INTS11: variants seen among roughly 807,000 people sequenced by gnomAD.
INTS11 encodes integrator complex subunit 11.
In INTS11, 77 loss-of-function variants were observed where a neutral mutation model predicts 78.6. That is an observed-to-expected ratio of 0.98 (90% CI 0.81 to 1.18). The LOEUF is 1.18. INTS11 is among the 50% of genes most tolerant of loss of function. INTS11 has a pLI of 0.00. For missense variants in INTS11, 875 were observed against 825.9 expected, an observed-to-expected ratio of 1.06 and a Z score of -0.73; for synonymous variants, 441 against 326.9, an observed-to-expected ratio of 1.35 and a Z score of -3.77.
intron 1 of INTS11, chr1:1,323,083 A>C: frequency 1.3e-6 from 2 of 1,493,192 alleles, no homozygotes; most frequent in Non-Finnish European, 1.8e-6. Context: ...GGGCCCATGC[A>C]AACAGCTGCA....
chr1:1,312,213 G>GGGGGCCCCCCCCCCCCCCCC lies in INTS11; in HGVS notation c.1607+12_1607+13insGGGGGGGGGGGGGGGGCCCC. On this transcript the variant is annotated intron_variant, in intron 15 of 16. Transcript: ENST00000435064. ...CCCAAGGGAGTGGGGGGGGGGCGGGGCCGGGCGCCCACCTCTTGAGGTGGC... is the reference window on the plus strand; with the variant it reads ...CCCAAGGGAGTGGGGGGGGGGCGGGGGGGGCCCCCCCCCCCCCCCCCCGGGCGCCCACCTCTTGAGGTGGC... 2.5e-5 allele frequency: 23 copies of GGGGGCCCCCCCCCCCCCCCC among 934,344 alleles called. No homozygotes were observed. The highest frequency in any genetic ancestry group is 2.7e-5 in the Non-Finnish European group (17 of 636,438). 57.9% of individuals were successfully genotyped at this position (934,344 alleles called of 1,614,324 possible).
chr1:1,321,004 T>G lies in INTS11; in HGVS notation c.118A>C (p.Asn40His). Reference protein sequence around the residue: ...MLDCGMHMGFNDDRRFPDFSY... With the variant: ...MLDCGMHMGFHDDRRFPDFSY... ...CTGCCCAAGGGACTCACGTCGTCAT[T>G]GAAGCCCATGTGCATTCCACAGTCC... is the stretch of plus-strand genomic sequence containing the variant. The change falls in exon 2 of 17, where the codon AAT becomes CAT. Residue 40 changes from asparagine to histidine, a missense_variant. Coordinates refer to ENST00000435064, the MANE Select transcript of INTS11 (RefSeq NM_017871.6). 1 of 1,612,984 alleles carries G rather than the reference T, an allele frequency of 6.2e-7. No homozygotes were observed. Among genetic ancestry groups the G allele is most frequent in the South Asian group, 1.1e-5 (1 of 91,088 alleles).
In INTS11 at chr1:1,314,064, T is replaced by C. The variant is rs1351748111; in HGVS notation, c.768-143A>G. 14 of 871,924 alleles carry C rather than the reference T, an allele frequency of 1.6e-5. No homozygotes were observed. The highest frequency in any genetic ancestry group is 2.5e-5 in the Non-Finnish European group (14 of 559,564). 54.0% of individuals were successfully genotyped at this position (871,924 alleles called of 1,614,324 possible). ...GTCCAGTCGCGACCACTTGTCCCAT[T>C]AAGCCCTGCAGCAGCCGGGCTCAGC... On this transcript the variant is annotated intron_variant, in intron 8 of 16. Coordinates refer to ENST00000435064, the MANE Select transcript of INTS11 (RefSeq NM_017871.6). This position sits in a 1 kb window ranked among gnomAD's most constrained non-coding sequence, Gnocchi z 4.2.
intron 9 of INTS11, 39 bp downstream of exon 9, chr1:1,313,693 G>C (rs775865212): frequency 6.2e-7 from 1 of 1,609,432 alleles, no homozygotes; most frequent in Non-Finnish European, 8.5e-7. Context: ...GGAGACCGAC[G>C]GGTGTGGATG....
In INTS11 at chr1:1,315,570, C is replaced by T; in HGVS notation, c.478G>A (p.Gly160Arg). 1 of 1,612,584 alleles carries T rather than the reference C, an allele frequency of 6.2e-7. No homozygotes were observed. The highest frequency in any genetic ancestry group is 8.5e-7 in the Non-Finnish European group (1 of 1,179,810). Residue 160 changes from glycine to arginine, a missense_variant, in exon 5 of 17, where the codon GGG becomes AGG. Gly to Arg is a moderately radical substitution (Grantham distance 125). Transcript: ENST00000435064. ...ACTTTAATCTGGAACATGGCTGCCCCCAGCACGTGGCCTGCATAGTAGGCC... is the reference window on the plus strand; with the variant it reads ...ACTTTAATCTGGAACATGGCTGCCCTCAGCACGTGGCCTGCATAGTAGGCC... ...IKAYYAGHVL[G>R]AAMFQIKVGS...
At chr1:1,313,636 GC>G (rs760557440) in intron 9 of INTS11, 44 bp from the exon 10 acceptor site, 31 of 1,610,670 alleles carry the variant, frequency 1.9e-5, no homozygotes, top group Non-Finnish European at 2.5e-5. Flanking sequence ...GGCAGCAGAT[GC>G]CCCCACCCCC....
Position 1,323,174 on chromosome 1 carries a change from C to T in INTS11, c.28+1407G>A, listed in dbSNP as rs1557645510. ...GGGCGGGGGGCACCCTCCGAGGAAGCGCTCACGCCATGGGGGAGGACATGG... is the reference window on the plus strand; with the variant it reads ...GGGCGGGGGGCACCCTCCGAGGAAGTGCTCACGCCATGGGGGAGGACATGG... On this transcript the variant is annotated intron_variant, in intron 1 of 16. Coordinates refer to ENST00000435064, the MANE Select transcript of INTS11 (RefSeq NM_017871.6). The T allele has an allele frequency of 2.6e-6, 4 of 1,549,928 alleles. No homozygotes were observed. The African/African-American group carries it at 5.5e-5, about 21-fold the overall frequency.
At position 1,320,478 on chromosome 1, in the gene INTS11, A is replaced by T; in HGVS notation, c.178T>A (p.Phe60Ile). Residue 60 changes from phenylalanine (F) to isoleucine (I), a missense_variant, in exon 3 of 17, where the codon TTC becomes ATC. Coordinates refer to ENST00000435064, the MANE Select transcript of INTS11 (RefSeq NM_017871.6). ...CACCTAATGATCACACAGTCCAGGA[A>T]GTCTGTTAGGCGGCCGTTCTGGGTG... Reference protein sequence around the residue: ...YITQNGRLTDFLDCVIISHFH... With the variant: ...YITQNGRLTDILDCVIISHFH... 6.2e-7 allele frequency: 1 copy of T among 1,613,908 alleles called. No individual in the cohort carries two copies. Among genetic ancestry groups the T allele is most frequent in the Non-Finnish European group, 8.5e-7 (1 of 1,179,904 alleles).
Position 1,312,598 on chromosome 1 carries a change from G to A in INTS11, c.1397C>T (p.Ala466Val), listed in dbSNP as rs142542232. ...GCCCTGCCCAGCCCGCATACCCTGCGCCATCTCCCGCTTCAGCAGCCCCAG... is the reference window on the plus strand; with the variant it reads ...GCCCTGCCCAGCCCGCATACCCTGCACCATCTCCCGCTTCAGCAGCCCCAG... ...ISLGLLKREM[A>V]QGLLPEAKKP... Residue 466 changes from alanine (A) to valine (V), a missense_variant, in exon 13 of 17, where the codon GCG (alanine) becomes GTG (valine). Coordinates refer to ENST00000435064, the MANE Select transcript of INTS11 (RefSeq NM_017871.6). 117 of 1,572,678 alleles carry A rather than the reference G, an allele frequency of 7.4e-5. No homozygotes were observed. In the African/African-American group the frequency reaches 1.1e-3, roughly 14 times the overall value.
At chr1:1,318,639 GAC>G in intron 4 of INTS11, 1 of 417,146 alleles carries the variant, frequency 2.4e-6, no homozygotes, top group South Asian at 4.4e-5. Context: ...AACAAAGTGA[GAC>G]ACTGTCAAAA....
intron 15 of INTS11, 22 bp downstream of exon 15, chr1:1,312,204 G>GT (rs1553166775): frequency 8.4e-7 from 1 of 1,186,130 alleles, no homozygotes; most frequent in Non-Finnish European, 1.2e-6. Flanking sequence ...GGAGTGGGGG[G>GT]GGGGCGGGGC....
intron 1 of INTS11, among the ~76,000 whole-genome samples, chr1:1,321,611 T>C (rs1642950942): frequency 6.6e-6 from 1 of 152,194 alleles, no homozygotes; most frequent in Non-Finnish European, 1.5e-5. Context: ...GCCTCAGCCA[T>C]GCCATAGCGA....
Position 1,312,099 on chromosome 1 carries a change from A to G in INTS11, c.1656T>C (p.Thr552=), listed in dbSNP as rs369652778. The G allele has an allele frequency of 1.3e-5, 21 of 1,576,484 alleles. No individual in the cohort carries two copies. In the African/African-American group the frequency reaches 1.8e-4, roughly 13 times the overall value. Residue 552 remains threonine (T), a synonymous_variant, in exon 16 of 17, where the codon ACT becomes ACC. Transcript: ENST00000435064. ...CVQHLPDGSV[T]VESVLLQAAA... is the part of the protein sequence containing the mutation. ...CGGCCTGGAGGAGGACGGACTCCAC[A>G]GTCACAGAGCCGTCTGGGAGGTGCT...
intron 4 of INTS11, among the ~76,000 whole-genome samples, chr1:1,318,326 C>T (rs559368073): frequency 6.6e-6 from 1 of 152,048 alleles, no homozygotes; most frequent in African/African-American, 2.4e-5. Flanking sequence ...GTTGGTGTTA[C>T]CAGGCATTAG....
rs367722064 is a variant in INTS11, at chr1:1,315,592, G to A, written c.456C>T (p.Ala152=). Residue 152 remains alanine, a synonymous_variant, in exon 5 of 17, where the codon GCC becomes GCT. Coordinates refer to ENST00000435064, the MANE Select transcript of INTS11 (RefSeq NM_017871.6). ...CCCCCAGCACGTGGCCTGCATAGTA[G>A]GCCTTGATCTCCAGCTCATCATCTA... ...VQVDDELEIK[A]YYAGHVLGAA... is the part of the protein sequence containing the mutation. 37 of 1,611,794 alleles carry A rather than the reference G, an allele frequency of 2.3e-5. No homozygotes were observed. The highest frequency in any genetic ancestry group is 3.1e-5 in the Non-Finnish European group (37 of 1,179,624).
At position 1,312,213 on chromosome 1, in the gene INTS11, G is replaced by GCCGGGGCCCCCCCCCCCCCCCCCCCCCC; in HGVS notation, c.1607+12_1607+13insGGGGGGGGGGGGGGGGGGGGGGCCCCGG. On this transcript the variant is annotated intron_variant, in intron 15 of 16. Transcript: ENST00000435064. ...CCCAAGGGAGTGGGGGGGGGGCGGG[G>GCCGGGGCCCCCCCCCCCCCCCCCCCCCC]CCGGGCGCCCACCTCTTGAGGTGGC... The GCCGGGGCCCCCCCCCCCCCCCCCCCCCC allele has an allele frequency of 1.1e-6, 1 of 934,628 alleles. No homozygotes were observed. Among genetic ancestry groups the GCCGGGGCCCCCCCCCCCCCCCCCCCCCC allele is most frequent in the Non-Finnish European group, 1.6e-6 (1 of 636,676 alleles). The allele number at this position is 934,628 out of a possible 1,614,324, so 57.9% of individuals were successfully genotyped here.
In INTS11 at chr1:1,315,568, C is replaced by T; in HGVS notation, c.480G>A (p.Gly160=). 6.2e-7 allele frequency: 1 copy of T among 1,612,586 alleles called. No individual in the cohort carries two copies. Among genetic ancestry groups the T allele is most frequent in the Admixed American group, 1.7e-5 (1 of 59,856 alleles). ...IKAYYAGHVL[G]AAMFQIKVGS... ...CCACTTTAATCTGGAACATGGCTGC[C>T]CCCAGCACGTGGCCTGCATAGTAGG... Residue 160 remains glycine (G), a synonymous_variant, in exon 5 of 17, where the codon GGG becomes GGA. Transcript: ENST00000435064.
chr1:1,322,998 A>T, intron 1 of INTS11: 1 of 1,388,360 alleles, frequency 7.2e-7, no homozygotes, highest in Non-Finnish European at 9.4e-7. Context: ...CAGAACAGGC[A>T]GCCAAGAGGC....
chr1:1,313,411 C>T (rs1642365622), intron 10 of INTS11, 98 bp downstream of exon 10: 9 of 1,376,174 alleles, frequency 6.5e-6, no homozygotes, highest in Middle Eastern at 1.8e-4. Context: ...CCTTGGCCAG[C>T]ACGAGGCCAA....
Sources: allele counts gnomAD v4.1 joint callset (sites outside exome capture counted in the v4.1 genomes callset), GRCh38; gene constraint gnomAD v4.1.1; non-coding constraint Gnocchi (gnomAD v3.1); transcripts MANE v1.5; gene names NCBI Gene and HGNC (gene_info 2026-07-23, HGNC 2026-07-21).